SCOC: variants seen among roughly 807,000 people sequenced by gnomAD.
SCOC encodes short coiled-coil protein, also known as short coiled coil protein.
Under a neutral mutation model 9.9 loss-of-function variants are expected in SCOC, and 7 were observed. The ratio of observed to expected loss-of-function variants is 0.71; its 90% CI spans 0.40 to 1.33. The LOEUF (loss-of-function observed/expected upper bound fraction) is 1.33. Ranked by LOEUF, SCOC falls within the 40% of genes most tolerant of loss-of-function variation. SCOC has a pLI of 0.01. For missense variants in SCOC, 66 were observed against 89.7 expected (o/e 0.74, Z 1.07); for synonymous variants, 19 against 28.2 (o/e 0.67, Z 1.03).
intron 2 of SCOC, among the ~76,000 whole-genome samples, chr4:140,362,185 G>A (rs1288900602): frequency 6.6e-6 from 1 of 151,256 alleles, no homozygotes; most frequent in African/African-American, 2.4e-5. Context: ...TTGCTTCACT[G>A]CGATGAGTGT....
chr4:140,356,889 A>C (rs575711286), intron 2 of SCOC, among the ~76,000 whole-genome samples: 1 of 152,238 alleles, frequency 6.6e-6, no homozygotes, highest in East Asian at 1.9e-4. Flanking sequence ...CCAATTTATT[A>C]AGTGAGTTAT....
rs541741494 is a variant in SCOC at position 140,309,899 on chromosome 4, C to T, written c.-18-33722C>T. ...GCCTAGGTTGCCTCTCTTGACACTC[C>T]CTCCTTCCCTCTGTCTTGCTATCCT... On this transcript the variant is annotated intron_variant, in intron 1 of 4. Transcript: ENST00000394205. 1.1e-4 allele frequency among the ~76,000 whole-genome samples: 17 copies of T among 152,224 alleles called. No individual in the cohort carries two copies. The South Asian group carries it at 1.2e-3, about 11-fold the overall frequency.
At position 140,377,635 on chromosome 4, in the gene SCOC, A is replaced by G. The variant is rs115572055; in HGVS notation, c.-50-1486A>G. Among the ~76,000 whole-genome samples the G allele has an allele frequency of 3.8e-3, 584 of 152,272 alleles. 2 individuals are homozygous for G. Among genetic ancestry groups the G allele is most frequent in the African/African-American group, 0.013 (553 of 41,544 alleles). The stretch of plus-strand genomic sequence containing the variant: ...TATGTATATGTACACTGGGCATTTT[A>G]ATTTGAAGTTCATGTTAGTATCTAA... On this transcript the variant is annotated intron_variant, in intron 1 of 3. Transcript: ENST00000608372.
At chr4:140,315,483 C>T (rs565557015) in intron 1 of SCOC, among the ~76,000 whole-genome samples, 1 of 152,256 alleles carries the variant, frequency 6.6e-6, no homozygotes, top group Admixed American at 6.5e-5. Flanking sequence ...AACTGTAGAG[C>T]TTGAATTCTT....
intron 2 of SCOC, among the ~76,000 whole-genome samples, chr4:140,362,462 T>C (rs1388704243): frequency 6.7e-6 from 1 of 149,642 alleles, no homozygotes; most frequent in Non-Finnish European, 1.5e-5. Flanking sequence ...GCCCGGCTAA[T>C]TTTTGTATTT....
At chr4:140,374,077 G>A (rs772690121) in intron 1 of SCOC, 12 of 490,424 alleles carry the variant, frequency 2.4e-5, no homozygotes, top group South Asian at 1.7e-4. Flanking sequence ...CGTTTGGGTG[G>A]AATGGGACCT....
At chr4:140,263,520 T>C (rs1730674099) in intron 1 of SCOC, among the ~76,000 whole-genome samples, 1 of 152,078 alleles carries the variant, frequency 6.6e-6, no homozygotes, top group South Asian at 2.1e-4. Flanking sequence ...CAGGCCTTTG[T>C]TTGAGATGAC....
chr4:140,267,102 C>G (rs1412345349), intron 1 of SCOC, among the ~76,000 whole-genome samples: 1 of 152,164 alleles, frequency 6.6e-6, no homozygotes, highest in Admixed American at 6.5e-5. Context: ...ATACCAAACC[C>G]AGACCACACC....
At chr4:140,323,888 T>C (rs553156663) in intron 1 of SCOC, among the ~76,000 whole-genome samples, 1 of 152,236 alleles carries the variant, frequency 6.6e-6, no homozygotes, top group South Asian at 2.1e-4. Flanking sequence ...AGCATTACCC[T>C]AAGACTCAAA....
In SCOC at chr4:140,377,363, T is replaced by G. The variant is rs1728387403; in HGVS notation, c.-50-1758T>G. 3.3e-5 allele frequency among the ~76,000 whole-genome samples: 5 copies of G among 152,182 alleles called. No individual in the cohort carries two copies. The South Asian group carries it at 1.0e-3, about 32-fold the overall frequency. Reference sequence around the variant, plus strand: ...TTAAAAAAAGAATTGTTGGAAAAATTTTAGTAATCTGAAATGCAGAGAACC... The same window carrying G: ...TTAAAAAAAGAATTGTTGGAAAAATGTTAGTAATCTGAAATGCAGAGAACC... On this transcript the variant is annotated intron_variant, in intron 1 of 3. Coordinates refer to ENST00000608372, the MANE Select transcript of SCOC (RefSeq NM_001153484.2).
At chr4:140,259,927 C>A (rs1395415050) in intron 1 of SCOC, among the ~76,000 whole-genome samples, 1 of 152,206 alleles carries the variant, frequency 6.6e-6, no homozygotes, top group African/African-American at 2.4e-5. Flanking sequence ...TTTGTTCATG[C>A]CATTCCAGTT....
At chr4:140,298,899 T>C (rs1378232735) in intron 1 of SCOC, among the ~76,000 whole-genome samples, 1 of 152,204 alleles carries the variant, frequency 6.6e-6, no homozygotes, top group Non-Finnish European at 1.5e-5. Context: ...CACTGCAGCC[T>C]CGTCCTCCTG....
chr4:140,276,580 T>C (rs1203567390), intron 1 of SCOC, among the ~76,000 whole-genome samples: 1 of 152,046 alleles, frequency 6.6e-6, no homozygotes, highest in Non-Finnish European at 1.5e-5. Flanking sequence ...GTCAGCCTCC[T>C]AACTAGCTGG....
At chr4:140,305,917 C>A (rs1198822832) in intron 1 of SCOC, among the ~76,000 whole-genome samples, 1 of 152,180 alleles carries the variant, frequency 6.6e-6, no homozygotes, top group Non-Finnish European at 1.5e-5. Context: ...GGAAAATTCA[C>A]CTTTTCTCCC....
chr4:140,364,921 C>T (rs1009926488), intron 2 of SCOC, among the ~76,000 whole-genome samples: 3 of 152,054 alleles, frequency 2.0e-5, no homozygotes, highest in African/African-American at 4.8e-5. Flanking sequence ...ACCCTTAAGC[C>T]TTATTACACA....
At position 140,273,044 on chromosome 4, in the gene SCOC, G is replaced by A. The variant is rs577522809; in HGVS notation, c.-19+15634G>A. ...TTCTGAGCTACAGAAATTCTCTGAC[G>A]GGCCCACGTGCTCATTTTTATCGAC... On this transcript the variant is annotated intron_variant, in intron 1 of 4. Coordinates refer to the SCOC transcript ENST00000394205. Among the ~76,000 whole-genome samples, 8 of 152,262 alleles carry A rather than the reference G, an allele frequency of 5.3e-5. No individual in the cohort carries two copies. In the East Asian group the frequency reaches 1.4e-3, roughly 26 times the overall value.
upstream of SCOC, among the ~76,000 whole-genome samples, chr4:140,340,447 T>G (rs1244443717): frequency 2.0e-5 from 3 of 151,848 alleles, no homozygotes; most frequent in African/African-American, 7.3e-5. Flanking sequence ...ACATGTACCC[T>G]AAAACTTAAA....
chr4:140,316,948 A>G (rs558767260), intron 1 of SCOC, among the ~76,000 whole-genome samples: 170 of 152,230 alleles, frequency 1.1e-3, no homozygotes, highest in South Asian at 2.7e-3. Context: ...AATCTGAGTC[A>G]TTGTCGGAGC....
intron 1 of SCOC, among the ~76,000 whole-genome samples, chr4:140,264,564 G>A (rs1032206918): frequency 9.9e-5 from 15 of 152,120 alleles, no homozygotes; most frequent in Admixed American, 9.2e-4. Flanking sequence ...ATGCCCTTGA[G>A]GTCATTTTGG....
Sources: allele counts gnomAD v4.1 joint callset (sites outside exome capture counted in the v4.1 genomes callset), GRCh38; gene constraint gnomAD v4.1.1; transcripts MANE v1.5; gene names NCBI Gene and HGNC (gene_info 2026-07-23, HGNC 2026-07-21).